Variants in SALL1 observed in about 807,000 individuals in gnomAD.
SALL1 encodes spalt like transcription factor 1, also known as sal-like protein 1.
In SALL1, 10 loss-of-function variants were observed where a neutral mutation model predicts 73.1. The ratio of observed to expected loss-of-function variants is 0.14; its 90% confidence interval spans 0.08 to 0.23. The LOEUF is 0.23. Among genes scored for constraint, SALL1 ranks in the 10% least tolerant of loss-of-function variants. The probability of loss-of-function intolerance (pLI) is 1.00; values close to 1 mark genes in which losing one functional copy is unlikely to be tolerated. For missense variants in SALL1, 1,520 were observed against 1,697.3 expected (o/e 0.90, Z 1.84); for synonymous variants, 688 against 689.8 (o/e 1.00, Z 0.04).
chr16:51,149,491 T>A (rs1204733839), intron 1 of SALL1: 3 of 152,026 alleles, frequency 2.0e-5, no homozygotes, highest in Non-Finnish European at 4.4e-5. Flanking sequence ...CCTTGGGTCA[T>A]CTCACCTCCA....
chr16:51,140,163 C>T lies in SALL1; in HGVS notation c.2059G>A (p.Glu687Lys). 1.2e-6 allele frequency: 2 copies of T among 1,614,190 alleles called. No homozygotes were observed. Among genetic ancestry groups the T allele is most frequent in the Non-Finnish European group, 1.7e-6 (2 of 1,180,046 alleles). The change falls in exon 2 of 3, where the codon GAG (glutamate) becomes AAG (lysine). Residue 687 changes from glutamate (E) to lysine (K), a missense_variant. Coordinates refer to ENST00000251020, the MANE Select transcript of SALL1 (RefSeq NM_002968.3). This position sits in a 1 kb window ranked among gnomAD's most constrained non-coding sequence, Gnocchi z 5.7. The part of the protein sequence containing the change: ...GGLLDSAQAS[E>K]TSKLQQLVEN... The stretch of plus-strand genomic sequence containing the variant: ...ACCAGTTGCTGAAGCTTGGACGTCT[C>T]TGATGCCTGAGCTGAGTCCAGGAGT...
chr16:51,145,224 ACACAC>A (rs1962498675), intron 1 of SALL1, among the ~76,000 whole-genome samples: 1 of 132,852 alleles, frequency 7.5e-6, no homozygotes, highest in African/African-American at 4.1e-5. Context: ...ACATACACAC[ACACAC>A]ACACACACAC....
At chr16:51,149,333 T>G (rs1048794708) in intron 1 of SALL1, 9 of 152,200 alleles carry the variant, frequency 5.9e-5, no homozygotes, top group Non-Finnish European at 8.8e-5. Context: ...ATCTCTAGTT[T>G]GCTTTTTTGT....
chr16:51,145,217 T>TAC (rs3037183), intron 1 of SALL1, among the ~76,000 whole-genome samples: 30,483 of 149,818 alleles, frequency 0.2, 3,172 homozygotes, highest in Middle Eastern at 0.32. Flanking sequence ...CACACACACA[T>TAC]ACACACACAC....
intron 1 of SALL1, among the ~76,000 whole-genome samples, chr16:51,146,577 T>A (rs186827836): frequency 3.9e-5 from 6 of 152,200 alleles, no homozygotes; most frequent in Non-Finnish European, 8.8e-5. Context: ...GTCTGGCATC[T>A]GAGGGTGACA....
intron 1 of SALL1, chr16:51,150,505 G>A: frequency 1.0e-6 from 1 of 985,898 alleles, no homozygotes; most frequent in Non-Finnish European, 1.2e-6. Flanking sequence ...CTGGCGGCCA[G>A]CAGCACTCTC....
intron 1 of SALL1, chr16:51,150,704 C>T: frequency 1.9e-6 from 1 of 537,478 alleles, no homozygotes; most frequent in Non-Finnish European, 2.4e-6. Flanking sequence ...AGTAAACTTC[C>T]TTACCGCTGG....
chr16:51,150,169 C>T (rs1331956346), intron 1 of SALL1, among the ~76,000 whole-genome samples: 2 of 152,336 alleles, frequency 1.3e-5, no homozygotes, highest in African/African-American at 4.8e-5. Flanking sequence ...CCACTCTCTG[C>T]CATAGCCCCC....
At chr16:51,151,490 C>T (rs1962606432), upstream of SALL1, 1 of 169,790 alleles carries the variant, frequency 5.9e-6, no homozygotes, top group Non-Finnish European at 1.2e-5. Flanking sequence ...CAGCGCTATT[C>T]AAACCCGCTC....
chr16:51,140,409 G>T lies in SALL1; in HGVS notation c.1813C>A (p.Leu605Ile). ...SGGPESATRN[L>I]GGLPEEAEGS... ...TCGGCTTCCTCTGGGAGCCCACCTAGGTTTCTTGTGGCTGACTCAGGGCCC... is the reference window on the plus strand; with the variant it reads ...TCGGCTTCCTCTGGGAGCCCACCTATGTTTCTTGTGGCTGACTCAGGGCCC... Residue 605 changes from leucine (L) to isoleucine (I), a missense_variant, in exon 2 of 3, where the codon CTA becomes ATA. Physicochemically the swap from Leu to Ile is conservative, Grantham distance 5 (BLOSUM62 2). This residue lies in a region of SALL1 where 276 missense variants were observed against 259.1 expected (regional missense o/e 1.07). Coordinates refer to ENST00000251020, the MANE Select transcript of SALL1 (RefSeq NM_002968.3). This position sits in a 1 kb window ranked among gnomAD's most constrained non-coding sequence, Gnocchi z 5.7. 6.2e-7 allele frequency: 1 copy of T among 1,614,116 alleles called. No homozygotes were observed.
chr16:51,147,373 T>C (rs915775592), intron 1 of SALL1, among the ~76,000 whole-genome samples: 1 of 152,212 alleles, frequency 6.6e-6, no homozygotes, highest in Non-Finnish European at 1.5e-5. Context: ...TCATTCAGAA[T>C]CTTCCATTAT....
Position 51,139,431 on chromosome 16 carries a change from G to C in SALL1, c.2791C>G (p.Pro931Ala). ...ESTSSMQALS[P>A]SNSTQEFHKS... ...TGGAACTCCTGCGTGCTGTTGGACG[G>C]GGACAGAGCCTGCATGGAAGAGGTA... Residue 931 changes from proline to alanine, a missense_variant, in exon 2 of 3, where the codon CCG (proline) becomes GCG (alanine). Pro to Ala is a conservative substitution (Grantham distance 27). Transcript: ENST00000251020. 3 of 1,614,118 alleles carry C rather than the reference G, an allele frequency of 1.9e-6. No homozygotes were observed. The highest frequency in any genetic ancestry group is 2.5e-6 in the Non-Finnish European group (3 of 1,180,036).
intron 1 of SALL1, among the ~76,000 whole-genome samples, chr16:51,147,313 A>C (rs1367456427): frequency 6.6e-6 from 1 of 152,228 alleles, no homozygotes; most frequent in Non-Finnish European, 1.5e-5. Flanking sequence ...AATATTTTAC[A>C]AAGTATGTGT....
Position 51,137,038 on chromosome 16 carries a change from G to T in SALL1, c.*74C>A. On this transcript the variant is annotated 3_prime_UTR_variant, in exon 3 of 3. Coordinates refer to ENST00000251020, the MANE Select transcript of SALL1 (RefSeq NM_002968.3). ...GAAGGAAGGGGCGGGGCGGGGTGGG[G>T]GGCAAGGAGTAGGAGGCCACCATAG... 1 of 1,392,026 alleles carries T rather than the reference G, an allele frequency of 7.2e-7. No individual in the cohort carries two copies. 86.2% of individuals were successfully genotyped at this position (1,392,026 alleles called of 1,614,324 possible).
At chr16:51,147,337 T>G (rs1346050692) in intron 1 of SALL1, among the ~76,000 whole-genome samples, 1 of 152,056 alleles carries the variant, frequency 6.6e-6, no homozygotes, top group African/African-American at 2.4e-5. Flanking sequence ...CTGAAGCAAA[T>G]CACAAAAAAA....
Position 51,137,465 on chromosome 16 carries a change from C to G in SALL1, c.3622G>C (p.Gly1208Arg). The G allele has an allele frequency of 4.3e-6, 7 of 1,614,024 alleles. No individual in the cohort carries two copies. The highest frequency in any genetic ancestry group is 1.7e-5 in the Admixed American group (1 of 60,004). ...ATTTCTGGGAACTTGACGGGATTGC[C>G]TCCTAGAAATGTCATGGGGCCATCC... Reference protein sequence around the residue: ...SVDGPMTFLGGNPVKFPEMFQ... With the variant: ...SVDGPMTFLGRNPVKFPEMFQ... Residue 1208 changes from glycine to arginine, a missense_variant, in exon 3 of 3, where the codon GGC becomes CGC. Gly to Arg is a moderately radical substitution (Grantham distance 125, BLOSUM62 -2). Transcript: ENST00000251020.
chr16:51,144,012 T>G (rs542368453), intron 1 of SALL1, among the ~76,000 whole-genome samples: 3 of 78,218 alleles, frequency 3.8e-5, no homozygotes, highest in African/African-American at 1.6e-4. Flanking sequence ...AGGTGCTGTT[T>G]TAAGCCCTTT....
Position 51,136,216 on chromosome 16 carries a change from T to C in SALL1, c.*896A>G, listed in dbSNP as rs1234231554. 3 of 152,678 alleles carry C rather than the reference T, an allele frequency of 2.0e-5. No homozygotes were observed. Among genetic ancestry groups the C allele is most frequent in the Middle Eastern group, 3.2e-3 (1 of 316 alleles). 9.5% of individuals were successfully genotyped at this position (152,678 alleles called of 1,614,324 possible). On this transcript the variant is annotated 3_prime_UTR_variant, in exon 3 of 3. Coordinates refer to ENST00000251020, the MANE Select transcript of SALL1 (RefSeq NM_002968.3). ...AGCATTTGCTCTTGTAAGGAACATA[T>C]GTACATTTGAATGAAAGTGATATTT...
Position 51,137,064 on chromosome 16 carries a change from G to A in SALL1, c.*48C>T. 1.3e-6 allele frequency: 2 copies of A among 1,588,156 alleles called. No individual in the cohort carries two copies. The highest frequency in any genetic ancestry group is 1.1e-5 in the South Asian group (1 of 90,038). ...GGCAAGGAGTAGGAGGCCACCATAGGTCGCATTCTGAACAGGAATGAATGC... is the reference window on the plus strand; with the variant it reads ...GGCAAGGAGTAGGAGGCCACCATAGATCGCATTCTGAACAGGAATGAATGC... On this transcript the variant is annotated 3_prime_UTR_variant, in exon 3 of 3. Coordinates refer to ENST00000251020, the MANE Select transcript of SALL1 (RefSeq NM_002968.3).
Sources: allele counts gnomAD v4.1 joint callset (sites outside exome capture counted in the v4.1 genomes callset), GRCh38; gene constraint gnomAD v4.1.1; regional missense constraint gnomAD v4.1.1; non-coding constraint Gnocchi (gnomAD v3.1); transcripts MANE v1.5; gene names NCBI Gene and HGNC (gene_info 2026-07-23, HGNC 2026-07-21).